Variants in SLC44A3 observed in about 807,000 individuals in gnomAD.
SLC44A3 encodes the protein choline transporter-like protein 3.
Under a neutral mutation model 75.4 loss-of-function variants are expected in SLC44A3, and 74 were observed. The ratio of observed to expected loss-of-function variants is 0.98; its 90% CI spans 0.81 to 1.19. The LOEUF is 1.19. Ranked by LOEUF, SLC44A3 falls within the 50% of genes most tolerant of loss-of-function variation. The pLI is 0.00. For synonymous variants in SLC44A3, 310 were observed against 296.9 expected (o/e 1.04, Z -0.45); for missense variants, 700 against 778.6 (o/e 0.90, Z 1.20).
chr1:94,874,314 A>C (rs1053748264), intron 12 of SLC44A3, among the ~76,000 whole-genome samples: 1 of 152,202 alleles, frequency 6.6e-6, no homozygotes, highest in Non-Finnish European at 1.5e-5. Context: ...TCCTGGGAGC[A>C]GCCTCTCTGG....
At chr1:94,860,964 T>G (rs1048894201) in intron 10 of SLC44A3, among the ~76,000 whole-genome samples, 1 of 151,758 alleles carries the variant, frequency 6.6e-6, no homozygotes, top group East Asian at 1.9e-4. Flanking sequence ...GAAAAGAAAA[T>G]GGAACTGAGG....
At chr1:94,849,414 C>T (rs977310452) in intron 9 of SLC44A3, among the ~76,000 whole-genome samples, 3 of 152,208 alleles carry the variant, frequency 2.0e-5, no homozygotes, top group Non-Finnish European at 4.4e-5. Context: ...CTCCTTCCAC[C>T]TGCCTGTGGC....
At chr1:94,876,720 G>A (rs1668331867) in intron 12 of SLC44A3, among the ~76,000 whole-genome samples, 1 of 152,174 alleles carries the variant, frequency 6.6e-6, no homozygotes, top group Non-Finnish European at 1.5e-5. Context: ...ATGCTATGAA[G>A]AGCAGCTGCA....
In SLC44A3 at chr1:94,880,610, T is replaced by C. The variant is rs192704258; in HGVS notation, c.1483-10520T>C. ...TAGATACTTTAAATGCTGAATGTAGTAGTCAAAATACTGTATTTGGCAAAC... is the reference window on the plus strand; with the variant it reads ...TAGATACTTTAAATGCTGAATGTAGCAGTCAAAATACTGTATTTGGCAAAC... On this transcript the variant is annotated intron_variant, in intron 12 of 14. Coordinates refer to ENST00000271227, the MANE Select transcript of SLC44A3 (RefSeq NM_001114106.3). Among the ~76,000 whole-genome samples, 13 of 151,786 alleles carry C rather than the reference T, an allele frequency of 8.6e-5. No homozygotes were observed. In the East Asian group the frequency reaches 2.5e-3, roughly 29 times the overall value.
chr1:94,866,524 A>G (rs912962821), intron 11 of SLC44A3, among the ~76,000 whole-genome samples: 1 of 152,228 alleles, frequency 6.6e-6, no homozygotes, highest in Non-Finnish European at 1.5e-5. Context: ...AATGTCTCAC[A>G]CAGCCACTGT....
At chr1:94,827,786 A>ATGCTTAC in intron 4 of SLC44A3, 143 bp downstream of exon 4, 1 of 978,144 alleles carries the variant, frequency 1.0e-6, no homozygotes, top group Non-Finnish European at 1.5e-6. Flanking sequence ...TGTGTGGAAA[A>ATGCTTAC]GGCCGTAAGC....
chr1:94,828,354 A>G (rs901725660), intron 4 of SLC44A3, 139 bp from the exon 5 acceptor site: 2 of 571,106 alleles, frequency 3.5e-6, no homozygotes, highest in Non-Finnish European at 6.1e-6. Context: ...CTCAGATTGT[A>G]TGCCTATTAC....
intron 12 of SLC44A3, among the ~76,000 whole-genome samples, chr1:94,869,008 T>C (rs1208976331): frequency 6.6e-6 from 1 of 152,250 alleles, no homozygotes. Context: ...CTATACTGCC[T>C]GGCCTTGCGG....
intron 10 of SLC44A3, among the ~76,000 whole-genome samples, chr1:94,863,579 A>G (rs1666838999): frequency 6.6e-6 from 1 of 152,188 alleles, no homozygotes; most frequent in African/African-American, 2.4e-5. Flanking sequence ...AGTGTGTCAG[A>G]TTTTCCTGGC....
In SLC44A3 at chr1:94,820,533, C is replaced by A. The variant is rs550537991; in HGVS notation, c.27+55C>A. ...GAGGAGCCCCGGGGAAGGGTCGAGTCCCCCGCCTTCACGCACCTTCCCTGC... is the reference window on the plus strand; with the variant it reads ...GAGGAGCCCCGGGGAAGGGTCGAGTACCCCGCCTTCACGCACCTTCCCTGC... On this transcript the variant is annotated intron_variant, in intron 1 of 14. Coordinates refer to ENST00000271227, the MANE Select transcript of SLC44A3 (RefSeq NM_001114106.3). 313 of 1,470,636 alleles carry A rather than the reference C, an allele frequency of 2.1e-4. 3 individuals carry two copies. In the African/African-American group the frequency reaches 3.9e-3, roughly 18 times the overall value. The allele number at this position is 1,470,636 out of a possible 1,614,324, so 91.1% of individuals were successfully genotyped here. A position where few individuals can be genotyped will look rare whatever the true frequency, so the allele number is the denominator to read the frequency against.
In SLC44A3 at chr1:94,820,468, C is replaced by A. The variant is rs1020005019; in HGVS notation, c.17C>A (p.Ala6Asp). The change falls in exon 1 of 15, where the codon GCC becomes GAC. Residue 6 changes from alanine (A) to aspartate (D), a missense_variant. Ala to Asp is a moderately radical substitution (Grantham distance 126). Coordinates refer to ENST00000271227, the MANE Select transcript of SLC44A3 (RefSeq NM_001114106.3). MHCLGAEYLVSAEGAP... is the reference protein window; with the variant it reads MHCLGDEYLVSAEGAP... ...GAGCGCACGATGCACTGCCTGGGCG[C>A]CGAGTACCTGGTAAGCGCTCGCAGC... 12 of 1,496,096 alleles carry A rather than the reference C, an allele frequency of 8.0e-6. No homozygotes were observed. The highest frequency in any genetic ancestry group is 1.1e-5 in the Non-Finnish European group (12 of 1,126,768). 92.7% of individuals were successfully genotyped at this position (1,496,096 alleles called of 1,614,324 possible). A position where few individuals can be genotyped will look rare whatever the true frequency, so the allele number is the denominator to read the frequency against.
intron 2 of SLC44A3, among the ~76,000 whole-genome samples, chr1:94,822,963 C>T (rs2100898129): frequency 6.6e-6 from 1 of 152,218 alleles, no homozygotes; most frequent in South Asian, 2.1e-4. Flanking sequence ...AGTTCAAGAC[C>T]AGCCTGGGCA....
intron 9 of SLC44A3, among the ~76,000 whole-genome samples, chr1:94,850,943 T>C (rs1463167210): frequency 1.3e-5 from 2 of 152,174 alleles, no homozygotes; most frequent in Non-Finnish European, 2.9e-5. Flanking sequence ...CCCAGTCTTG[T>C]TCTAGGAAAA....
At chr1:94,828,721 G>C in intron 5 of SLC44A3, 135 bp downstream of exon 5, 1 of 656,422 alleles carries the variant, frequency 1.5e-6, no homozygotes. Flanking sequence ...TACAGTCTAC[G>C]GAGGCCAGCG....
intron 9 of SLC44A3, among the ~76,000 whole-genome samples, chr1:94,855,802 C>T (rs777788836): frequency 8.5e-5 from 13 of 152,166 alleles, no homozygotes; most frequent in Admixed American, 3.9e-4. Flanking sequence ...TCCTGAATGA[C>T]GAGCCTAAAG....
intron 12 of SLC44A3, among the ~76,000 whole-genome samples, chr1:94,890,486 T>C (rs1399729147): frequency 6.6e-6 from 1 of 152,214 alleles, no homozygotes; most frequent in Admixed American, 6.5e-5. Flanking sequence ...ACATAGTGCA[T>C]TTCTGTACCA....
intron 9 of SLC44A3, among the ~76,000 whole-genome samples, chr1:94,847,657 G>A (rs1038147846): frequency 5.9e-5 from 9 of 152,192 alleles, no homozygotes; most frequent in Non-Finnish European, 1.2e-4. Flanking sequence ...TGCATGAAGG[G>A]AAACAAGCCT....
At position 94,895,167 on chromosome 1, in the gene SLC44A3, A is replaced by T. The variant is rs1171984608; in HGVS notation, c.*245A>T. On this transcript the variant is annotated 3_prime_UTR_variant, in exon 15 of 15. Coordinates refer to ENST00000271227, the MANE Select transcript of SLC44A3 (RefSeq NM_001114106.3). ...TTCTAAAACCATGTTTATATGCATC[A>T]ACTTACAAAGTACACTATGTAAGAA... The T allele has an allele frequency of 2.6e-6, 1 of 379,642 alleles. No individual in the cohort carries two copies. Among genetic ancestry groups the T allele is most frequent in the Non-Finnish European group, 4.8e-6 (1 of 207,448 alleles). 23.5% of individuals were successfully genotyped at this position (379,642 alleles called of 1,614,324 possible).
intron 5 of SLC44A3, among the ~76,000 whole-genome samples, chr1:94,830,331 G>C (rs1661954188): frequency 6.6e-6 from 1 of 152,118 alleles, no homozygotes; most frequent in African/African-American, 2.4e-5. Flanking sequence ...TCCTGCCTCA[G>C]CCTCCCAAGT....
Sources: allele counts gnomAD v4.1 joint callset (sites outside exome capture counted in the v4.1 genomes callset), GRCh38; gene constraint gnomAD v4.1.1; transcripts MANE v1.5; gene names NCBI Gene and HGNC (gene_info 2026-07-23, HGNC 2026-07-21).